The following SYPL1 variants were observed in gnomAD, a reference collection of about 807,000 sequenced individuals.
SYPL1 encodes the protein synaptophysin like 1, also known as synaptophysin-like protein 1.
Under a neutral mutation model 23.7 loss-of-function variants are expected in SYPL1, and 6 were observed. That is an observed-to-expected ratio of 0.25 (90% CI 0.14 to 0.50). The LOEUF (loss-of-function observed/expected upper bound fraction) is 0.50. Ranked by LOEUF, SYPL1 falls within the 20% of genes least tolerant of loss-of-function variation. The probability of loss-of-function intolerance (pLI) is 0.98; values close to 1 mark genes in which losing one functional copy is unlikely to be tolerated. For synonymous variants in SYPL1, 102 were observed against 104.5 expected (o/e 0.98, Z 0.15); for missense variants, 253 against 288.9 (o/e 0.88, Z 0.90).
rs1232593433 is a variant in SYPL1 at position 106,104,447 on chromosome 7, G to A, written c.70-5165C>T. On this transcript the variant is annotated intron_variant, in intron 1 of 4. Transcript: ENST00000455385. This position sits in a 1 kb window ranked among gnomAD's most constrained non-coding sequence, Gnocchi z 4.1. ...CTAATATAACAAGTAGCAAATAAAT[G>A]GCATACTGCACTACAGCTTGTTGCT... 6.6e-6 allele frequency among the ~76,000 whole-genome samples: 1 copy of A among 151,968 alleles called. No homozygotes were observed. The highest frequency in any genetic ancestry group is 2.4e-5 in the African/African-American group (1 of 41,370).
intron 1 of SYPL1, among the ~76,000 whole-genome samples, chr7:106,108,949 T>C (rs1376018775): frequency 4.6e-5 from 7 of 152,180 alleles, no homozygotes; most frequent in African/African-American, 7.2e-5. Flanking sequence ...GATAAACTGG[T>C]GGGGAAAACT....
At chr7:106,101,069 T>G (rs1338173278) in intron 1 of SYPL1, among the ~76,000 whole-genome samples, 1 of 152,202 alleles carries the variant, frequency 6.6e-6, no homozygotes, top group Non-Finnish European at 1.5e-5. Flanking sequence ...CATAGCTTCC[T>G]GTTCCAGTAT....
rs1839712107 is a variant in SYPL1, at chr7:106,091,231, T to G, written c.*574A>C. 4 of 152,132 alleles carry G rather than the reference T, an allele frequency of 2.6e-5. No homozygotes were observed. The highest frequency in any genetic ancestry group is 9.7e-5 in the African/African-American group (4 of 41,414). The allele number at this position is 152,132 out of a possible 1,614,324, so 9.4% of individuals were successfully genotyped here. A position where few individuals can be genotyped will look rare whatever the true frequency, so the allele number is the denominator to read the frequency against. On this transcript the variant is annotated 3_prime_UTR_variant, in exon 5 of 5. Transcript: ENST00000455385. The surrounding 1 kb of genome is among the most constrained non-coding windows in gnomAD (Gnocchi z 5.0). ...GCTCCCAACACAATTTTAGTACACC[T>G]ATTAAGTACCACGGGTCATTTAGAA...
chr7:106,110,800 C>T (rs2116224255), intron 1 of SYPL1, among the ~76,000 whole-genome samples: 1 of 152,288 alleles, frequency 6.6e-6, no homozygotes, highest in Non-Finnish European at 1.5e-5. Context: ...AAACAACTGC[C>T]TCTTCATTTA....
chr7:106,108,813 G>A (rs538018941), intron 1 of SYPL1, among the ~76,000 whole-genome samples: 40 of 152,182 alleles, frequency 2.6e-4, no homozygotes, highest in African/African-American at 7.5e-4. Context: ...TTCTCAATGC[G>A]TGGTCTGTGG....
rs1840083322 is a variant in SYPL1, at chr7:106,097,605, A to G, written c.402+85T>C. The G allele has an allele frequency of 3.1e-6, 4 of 1,289,556 alleles. No homozygotes were observed. Among genetic ancestry groups the G allele is most frequent in the Non-Finnish European group, 4.2e-6 (4 of 954,898 alleles). 79.9% of individuals were successfully genotyped at this position (1,289,556 alleles called of 1,614,324 possible). On this transcript the variant is annotated intron_variant, in intron 3 of 4. Transcript: ENST00000455385. This position sits in a 1 kb window ranked among gnomAD's most constrained non-coding sequence, Gnocchi z 4.6. The stretch of plus-strand genomic sequence containing the variant: ...AAAATATGCTGAACTGGCTTACACC[A>G]AGAATTTTTATTTCCAGTATAAGAA...
chr7:106,112,373 C>T (rs1790216664), upstream of SYPL1: 3 of 1,222,452 alleles, frequency 2.5e-6, no homozygotes, highest in Non-Finnish European at 3.1e-6. Context: ...GGAGCGGCGG[C>T]GGTTGAGCTG....
intron 4 of SYPL1, among the ~76,000 whole-genome samples, chr7:106,092,299 T>A (rs908542630): frequency 2.0e-5 from 3 of 152,116 alleles, no homozygotes; most frequent in Admixed American, 2.0e-4. Context: ...TCTCTTCTAC[T>A]CCAATCCAAC....
At chr7:106,111,440 T>C (rs958048462) in intron 1 of SYPL1, among the ~76,000 whole-genome samples, 1 of 152,216 alleles carries the variant, frequency 6.6e-6, no homozygotes, top group Admixed American at 6.5e-5. Flanking sequence ...TGTTAATGAT[T>C]GTGAGTGTTC....
intron 2 of SYPL1, among the ~76,000 whole-genome samples, chr7:106,098,607 T>C (rs1340813744): frequency 6.6e-6 from 1 of 152,166 alleles, no homozygotes; most frequent in South Asian, 2.1e-4. Flanking sequence ...ACAGGACATA[T>C]TCAATAAACT....
At chr7:106,099,394 A>G in intron 1 of SYPL1, 112 bp from the exon 2 acceptor site, 1 of 1,267,044 alleles carries the variant, frequency 7.9e-7, no homozygotes, top group African/African-American at 1.5e-5. Context: ...ATTGGCTAAC[A>G]TTCTAGAAAT....
Position 106,097,414 on chromosome 7 carries a change from A to T in SYPL1, c.402+276T>A, listed in dbSNP as rs1585936907. On this transcript the variant is annotated intron_variant, in intron 3 of 4. Coordinates refer to ENST00000455385, the MANE Select transcript of SYPL1 (RefSeq NM_182715.4). The surrounding 1 kb of genome is among the most constrained non-coding windows in gnomAD (Gnocchi z 4.6). ...TTCAAATTAAAAGAATTTCGACTTA[A>T]TTTTTTTGCTATTTGTAACCTGATG... Among the ~76,000 whole-genome samples, 1 of 152,118 alleles carries T rather than the reference A, an allele frequency of 6.6e-6. No homozygotes were observed. Among genetic ancestry groups the T allele is most frequent in the African/African-American group, 2.4e-5 (1 of 41,426 alleles).
At chr7:106,093,273 A>C (rs988436958) in intron 3 of SYPL1, 136 bp from the exon 4 acceptor site, 16 of 798,030 alleles carry the variant, frequency 2.0e-5, no homozygotes, top group Admixed American at 3.2e-5. Context: ...CTTTATTAAA[A>C]AAGTCAGTCA....
At chr7:106,101,889 G>A (rs1159049480) in intron 1 of SYPL1, among the ~76,000 whole-genome samples, 1 of 151,932 alleles carries the variant, frequency 6.6e-6, no homozygotes, top group Non-Finnish European at 1.5e-5. Context: ...TAACAGAGTT[G>A]ATTTGTAGAT....
intron 1 of SYPL1, among the ~76,000 whole-genome samples, chr7:106,099,771 G>T (rs1202918584): frequency 6.6e-6 from 1 of 152,096 alleles, no homozygotes; most frequent in Non-Finnish European, 1.5e-5. Flanking sequence ...ATAGCTTACT[G>T]CAGCCCTGAA....
intron 1 of SYPL1, chr7:106,111,915 C>G (rs1160340443): frequency 8.7e-6 from 3 of 343,668 alleles, no homozygotes; most frequent in Admixed American, 5.6e-5. Flanking sequence ...CCCCTGGGAG[C>G]CAGGCGGCCG....
chr7:106,110,493 A>T (rs1361539985), intron 1 of SYPL1, among the ~76,000 whole-genome samples: 2 of 152,362 alleles, frequency 1.3e-5, no homozygotes. Context: ...TCCTTAATAG[A>T]TCATGAGAAA....
At chr7:106,098,274 A>G (rs1453307662) in intron 2 of SYPL1, among the ~76,000 whole-genome samples, 2 of 152,244 alleles carry the variant, frequency 1.3e-5, no homozygotes, top group Non-Finnish European at 2.9e-5. Flanking sequence ...CACAACAATG[A>G]TTCACATTTT....
chr7:106,101,843 C>T (rs1216339045), intron 1 of SYPL1, among the ~76,000 whole-genome samples: 1 of 149,792 alleles, frequency 6.7e-6, no homozygotes, highest in Non-Finnish European at 1.5e-5. Context: ...ATAAAAAGGC[C>T]AGGAATAGAC....
Sources: gnomAD v4.1 joint callset for allele counts (sites outside exome capture counted in the v4.1 genomes callset) on GRCh38, gnomAD v4.1.1 for gene constraint, Gnocchi (gnomAD v3.1) non-coding constraint, MANE v1.5 for transcripts, NCBI Gene and HGNC (gene_info 2026-07-23, HGNC 2026-07-21) for gene names.